CIMIP2A: variants seen among roughly 807,000 people sequenced by gnomAD.
CIMIP2A encodes the protein ciliary microtubule inner protein 2A.
the CIMIP2A span, chr9:137,243,741 C>A: frequency 6.2e-7 from 1 of 1,614,138 alleles, no homozygotes; most frequent in African/African-American, 1.3e-5. Flanking sequence ...TTCCAGTAGG[C>A]CCTCCGGGTG....
the CIMIP2A span, chr9:137,252,489 CT>C: frequency 1.2e-6 from 2 of 1,609,044 alleles, no homozygotes; most frequent in Non-Finnish European, 1.7e-6. Context: ...GCGAAAGCCC[CT>C]TCACGCAGAA....
At chr9:137,244,021 G>A in the CIMIP2A span, 1 of 912,106 alleles carries the variant, frequency 1.1e-6, no homozygotes, top group Non-Finnish European at 1.7e-6. Flanking sequence ...GGGGTAGGGA[G>A]GATGGCAGAC....
chr9:137,245,409 T>C, the CIMIP2A span: 2 of 1,613,720 alleles, frequency 1.2e-6, no homozygotes, highest in Admixed American at 3.3e-5. Flanking sequence ...TCCTGCCTGG[T>C]GGGCACGGAG....
At chr9:137,252,403 C>A in the CIMIP2A span, 1 of 1,595,054 alleles carries the variant, frequency 6.3e-7, no homozygotes, top group Non-Finnish European at 8.5e-7. Flanking sequence ...GGGTGGGGCT[C>A]CCAGCCTTCT....
At chr9:137,244,022 G>C in the CIMIP2A span, 1 of 917,268 alleles carries the variant, frequency 1.1e-6, no homozygotes, top group Non-Finnish European at 1.7e-6. Context: ...GGGTAGGGAG[G>C]ATGGCAGACA....
At chr9:137,245,504 C>T in the CIMIP2A span, 1 of 1,613,842 alleles carries the variant, frequency 6.2e-7, no homozygotes, top group Non-Finnish European at 8.5e-7. Context: ...TGGGCGTCCA[C>T]CTCCAAGGGT....
the CIMIP2A span, chr9:137,245,789 G>A: frequency 1.4e-4 from 216 of 1,538,366 alleles, 1 homozygote; most frequent in South Asian, 2.4e-3. Context: ...GTGAGCAGCT[G>A]CCCCGTGGTA....
the CIMIP2A span, chr9:137,244,901 C>G: frequency 6.3e-7 from 1 of 1,582,994 alleles, no homozygotes; most frequent in South Asian, 1.1e-5. Flanking sequence ...AGGCAAGGCA[C>G]CGCCTCGTCT....
chr9:137,247,872 G>T, the CIMIP2A span: 1 of 695,460 alleles, frequency 1.4e-6, no homozygotes, highest in Non-Finnish European at 2.5e-6. Context: ...GGCCCACATT[G>T]CACAGGTGAG....
chr9:137,244,507 G>A, the CIMIP2A span: 12 of 1,504,828 alleles, frequency 8.0e-6, no homozygotes, highest in African/African-American at 1.4e-5. Context: ...CCGGGGACAG[G>A]AGAGAGCCAG....
the CIMIP2A span, chr9:137,253,306 G>C: frequency 1.9e-6 from 3 of 1,559,280 alleles, no homozygotes; most frequent in Non-Finnish European, 2.6e-6. Context: ...CTCCCCCGGG[G>C]CTTTCCCAGG....
At chr9:137,244,948 A>G in the CIMIP2A span, 1 of 1,602,302 alleles carries the variant, frequency 6.2e-7, no homozygotes, top group African/African-American at 1.3e-5. Context: ...GCTGGGAGGC[A>G]GAGGAGGTCC....
the CIMIP2A span, chr9:137,251,953 G>C: frequency 2.4e-5 from 39 of 1,596,942 alleles, no homozygotes; most frequent in South Asian, 3.3e-4. Context: ...GCTGTGGGAG[G>C]GGCCCGCTGA....
the CIMIP2A span, chr9:137,244,780 C>A: frequency 2.5e-6 from 4 of 1,599,854 alleles, no homozygotes; most frequent in Non-Finnish European, 3.4e-6. Context: ...CCCCCTTAGC[C>A]TTCCCCTGGG....
chr9:137,252,510 C>A, the CIMIP2A span: 2 of 1,601,682 alleles, frequency 1.2e-6, no homozygotes, highest in African/African-American at 2.7e-5. Context: ...AAGCTGACTT[C>A]GACCAAGAGC....
the CIMIP2A span, chr9:137,252,754 A>G: frequency 1.9e-6 from 3 of 1,560,098 alleles, no homozygotes; most frequent in Admixed American, 1.9e-5. Context: ...AGACACCTGA[A>G]GGCCACACCC....
the CIMIP2A span, among the ~76,000 whole-genome samples, chr9:137,246,946 G>A: frequency 5.3e-5 from 8 of 151,960 alleles, no homozygotes; most frequent in Non-Finnish European, 1.2e-4. Flanking sequence ...TTGTTTGGGG[G>A]GATATCTAGT....
the CIMIP2A span, chr9:137,253,574 G>A: frequency 5.7e-6 from 7 of 1,232,936 alleles, no homozygotes; most frequent in African/African-American, 1.5e-5. Context: ...CCCTGTTGAG[G>A]GGTCTCCATT....
At chr9:137,247,768 C>A in the CIMIP2A span, 2 of 1,574,776 alleles carry the variant, frequency 1.3e-6, no homozygotes, top group Admixed American at 3.4e-5. Context: ...ATCCAGCTCC[C>A]TTCCCTGAGG....
Sources: allele counts gnomAD v4.1 joint callset (sites outside exome capture counted in the v4.1 genomes callset), GRCh38; gene constraint gnomAD v4.1.1; transcripts MANE v1.5; gene names NCBI Gene and HGNC (gene_info 2026-07-23, HGNC 2026-07-21).